The following VPS53 variants were observed in gnomAD, a reference collection of about 807,000 sequenced individuals.
The protein encoded by VPS53 is VPS53 subunit of GARP complex.
In VPS53, 70 loss-of-function variants were observed where a neutral mutation model predicts 107.0. That is an observed-to-expected ratio of 0.65 (90% CI 0.54 to 0.80). The LOEUF is 0.80. VPS53 is among the 30% of genes least tolerant of loss of function. VPS53 has a pLI of 0.00. For synonymous variants in VPS53, 409 were observed against 393.3 expected (o/e 1.04, Z -0.47); for missense variants, 917 against 1,049.4 (o/e 0.87, Z 1.74).
chr17:655,176 G>C (rs1160517740), intron 6 of VPS53, among the ~76,000 whole-genome samples: 1 of 152,224 alleles, frequency 6.6e-6, no homozygotes, highest in Non-Finnish European at 1.5e-5. Flanking sequence ...GGGCCACAGA[G>C]GTGAGCTGGA....
chr17:708,654 C>G (rs1366798091), intron 2 of VPS53, among the ~76,000 whole-genome samples: 1 of 152,166 alleles, frequency 6.6e-6, no homozygotes, highest in African/African-American at 2.4e-5. Context: ...TCACAGTCCG[C>G]TAAGTAACGG....
intron 5 of VPS53, among the ~76,000 whole-genome samples, chr17:656,437 A>G (rs1440372305): frequency 6.6e-6 from 1 of 152,222 alleles, no homozygotes. Context: ...AGATTGAAAT[A>G]TAAGCTCTGT....
chr17:652,490 G>A (rs1014916804), intron 7 of VPS53, among the ~76,000 whole-genome samples: 2 of 152,108 alleles, frequency 1.3e-5, no homozygotes, highest in African/African-American at 2.4e-5. Context: ...CTCTTGGGAC[G>A]CTCATTCTTG....
rs1567701049 is a variant in VPS53 at position 642,948 on chromosome 17, CCGAGGACAACTCTCATACTTGGAAAG to C, written c.608+10317_608+10342del. On this transcript the variant is annotated intron_variant, in intron 7 of 21. Transcript: ENST00000437048. ...CGAGGACAACACTCATACTTGGCAA[CCGAGGACAACTCTCATACTTGGAAAG>C]CGAGGACAACACTCATACTTGGAAA... is the stretch of plus-strand genomic sequence containing the variant. Among the ~76,000 whole-genome samples, 303 of 92,536 alleles carry C rather than the reference CCGAGGACAACTCTCATACTTGGAAAG, an allele frequency of 3.3e-3. 1 individual carries two copies. Among genetic ancestry groups the C allele is most frequent in the Middle Eastern group, 0.014 (2 of 140 alleles). The allele number at this position is 92,536 out of a possible 152,430, so 60.7% of individuals were successfully genotyped here.
chr17:553,409 A>C lies in VPS53; in HGVS notation c.1758T>G (p.Asn586Lys). The change falls in exon 16 of 22, where the codon AAT becomes AAG. Residue 586 changes from asparagine to lysine, a missense_variant. Asn to Lys is a moderately conservative substitution (Grantham distance 94). Coordinates refer to ENST00000437048, the MANE Select transcript of VPS53 (RefSeq NM_001128159.3). ...KVDVSLIERINLTGEMDTFST... is the reference protein window; with the variant it reads ...KVDVSLIERIKLTGEMDTFST... ...TGAACGTGTCCATCTCTCCAGTCAGATTGATTCGTTCAATCAGACTTACAT... is the reference window on the plus strand; with the variant it reads ...TGAACGTGTCCATCTCTCCAGTCAGCTTGATTCGTTCAATCAGACTTACAT... 1 of 1,614,110 alleles carries C rather than the reference A, an allele frequency of 6.2e-7. No homozygotes were observed. The highest frequency in any genetic ancestry group is 8.5e-7 in the Non-Finnish European group (1 of 1,180,032).
intron 4 of VPS53, among the ~76,000 whole-genome samples, chr17:680,198 G>A (rs1191349019): frequency 6.6e-6 from 1 of 152,154 alleles, no homozygotes; most frequent in Admixed American, 6.5e-5. Flanking sequence ...GGAGGCTGAG[G>A]CAGGAGAATC....
chr17:661,693 A>T, intron 5 of VPS53, 116 bp downstream of exon 5: 1 of 941,358 alleles, frequency 1.1e-6, no homozygotes, highest in Non-Finnish European at 1.6e-6. Context: ...AGAGATGCAG[A>T]TGACTCTGGT....
At chr17:677,755 GT>G (rs909331652) in intron 4 of VPS53, among the ~76,000 whole-genome samples, 59 of 152,094 alleles carry the variant, frequency 3.9e-4, no homozygotes, top group South Asian at 2.5e-3. Flanking sequence ...ATTGAAAAAG[GT>G]TATATTTACT....
intron 13 of VPS53, among the ~76,000 whole-genome samples, chr17:583,236 A>C (rs1967139288): frequency 6.6e-6 from 1 of 150,936 alleles, no homozygotes; most frequent in Non-Finnish European, 1.5e-5. Flanking sequence ...GTTCCCAGAG[A>C]ACCTCCTTCG....
chr17:700,537 G>C (rs1159067631), intron 2 of VPS53, among the ~76,000 whole-genome samples: 1 of 151,922 alleles, frequency 6.6e-6, no homozygotes, highest in Non-Finnish European at 1.5e-5. Flanking sequence ...GGCAACAAGA[G>C]CAAAACTCTG....
chr17:636,550 G>T (rs1020803867), intron 7 of VPS53, among the ~76,000 whole-genome samples: 1 of 152,120 alleles, frequency 6.6e-6, no homozygotes, highest in Admixed American at 6.5e-5. Context: ...ATTGGCTGTG[G>T]GTTTGTCATA....
intron 4 of VPS53, among the ~76,000 whole-genome samples, chr17:669,751 G>A (rs1971860271): frequency 6.6e-6 from 1 of 151,828 alleles, no homozygotes; most frequent in Non-Finnish European, 1.5e-5. Flanking sequence ...AATTAGCTGG[G>A]TGTGGTGGCG....
Position 687,723 on chromosome 17 carries a change from G to A in VPS53, c.285+9695C>T, listed in dbSNP as rs192023926. On this transcript the variant is annotated intron_variant, in intron 4 of 21. Coordinates refer to ENST00000437048, the MANE Select transcript of VPS53 (RefSeq NM_001128159.3). Reference sequence around the variant, plus strand: ...ACTCCACTCTAGCCTGGGCAACAAAGTAAGACCCTGTCTCAAAAACAAATA... The same window carrying A: ...ACTCCACTCTAGCCTGGGCAACAAAATAAGACCCTGTCTCAAAAACAAATA... Among the ~76,000 whole-genome samples the A allele has an allele frequency of 1.2e-3, 185 of 152,252 alleles. 2 individuals carry two copies. Among genetic ancestry groups the A allele is most frequent in the Admixed American group, 0.012 (181 of 15,288 alleles).
intron 19 of VPS53, among the ~76,000 whole-genome samples, chr17:525,822 A>AC (rs773786352): frequency 5.9e-5 from 9 of 151,580 alleles, no homozygotes; most frequent in East Asian, 1.9e-4. Flanking sequence ...ACATGGTGAG[A>AC]CCCCATCTCT....
intron 5 of VPS53, chr17:656,896 C>T: frequency 2.0e-6 from 3 of 1,527,548 alleles, no homozygotes; most frequent in Non-Finnish European, 2.7e-6. Flanking sequence ...GTTTGTTGCC[C>T]TTGCCAATAG....
chr17:623,616 G>C lies in VPS53; in HGVS notation c.1033C>G (p.Leu345Val), dbSNP rs978300849. The change falls in exon 11 of 22, where the codon CTT (leucine) becomes GTT (valine). Residue 345 changes from leucine (L) to valine (V), a missense_variant. Leu to Val is a conservative substitution (Grantham distance 32). Transcript: ENST00000437048. ...RAKEIEVKLL[L>V]FAIQRTTNFE... ...TTAGTTGTTCTTTGAATAGCAAAAAGAAGCAATTTCACTTCAATTTCCTTC... is the reference window on the plus strand; with the variant it reads ...TTAGTTGTTCTTTGAATAGCAAAAACAAGCAATTTCACTTCAATTTCCTTC... 1 of 1,614,046 alleles carries C rather than the reference G, an allele frequency of 6.2e-7. No individual in the cohort carries two copies. Among genetic ancestry groups the C allele is most frequent in the Non-Finnish European group, 8.5e-7 (1 of 1,179,932 alleles).
rs201758086 is a variant in VPS53, at chr17:599,782, C to A, written c.1218+2013G>T. 1.2e-3 allele frequency among the ~76,000 whole-genome samples: 124 copies of A among 107,304 alleles called. 5 individuals are homozygous for A. In the East Asian group the frequency reaches 0.013, roughly 11 times the overall value. The allele number at this position is 107,304 out of a possible 152,430, so 70.4% of individuals were successfully genotyped here. ...AATAAATTAAAAAAAAAAACAAAAA[C>A]AAAATGACTTGCGATAAAACTGCTC... On this transcript the variant is annotated intron_variant, in intron 12 of 21. Transcript: ENST00000437048.
In VPS53 at chr17:699,513, TA is replaced by T. The variant is rs542350655; in HGVS notation, c.169-134del. 0.11 allele frequency: 49,565 copies of T among 433,550 alleles called. 3 individuals are homozygous for T. The highest frequency in any genetic ancestry group is 0.16 in the East Asian group (3,358 of 21,078). 26.9% of individuals were successfully genotyped at this position (433,550 alleles called of 1,614,324 possible). On this transcript the variant is annotated intron_variant, in intron 2 of 21. Transcript: ENST00000437048. ...TAATCACATGATATGAGTTTTGCTT[TA>T]AAAAAAAAAAAAGTAAAGCAGTAGT...
At chr17:536,865 G>A (rs536333039) in intron 18 of VPS53, 163 bp downstream of exon 18, 43 of 799,438 alleles carry the variant, frequency 5.4e-5, no homozygotes, top group African/African-American at 3.5e-4. Flanking sequence ...TTTGTGTGTG[G>A]GGAGGTGTCG....
Sources: gnomAD v4.1 joint callset for allele counts (sites outside exome capture counted in the v4.1 genomes callset) on GRCh38, gnomAD v4.1.1 for gene constraint, MANE v1.5 for transcripts, NCBI Gene and HGNC (gene_info 2026-07-23, HGNC 2026-07-21) for gene names.